The following CSNK1G1 variants were observed in gnomAD, a reference collection of about 807,000 sequenced individuals.
CSNK1G1 encodes the protein casein kinase I isoform gamma-1.
CSNK1G1 carries 22 observed loss-of-function variants against 59.6 expected under a neutral mutation model. The observed-to-expected ratio is 0.37, with a 90% CI of 0.26 to 0.53. CSNK1G1 has a LOEUF of 0.53. Among genes scored for constraint, CSNK1G1 ranks in the 20% least tolerant of loss-of-function variants. CSNK1G1 has a pLI of 0.89. For synonymous variants in CSNK1G1, 179 were observed against 177.1 expected (o/e 1.01, Z -0.08); for missense variants, 384 against 519.5 (o/e 0.74, Z 2.54).
chr15:64,294,183 C>T (rs1302989342), intron 2 of CSNK1G1, among the ~76,000 whole-genome samples: 1 of 152,152 alleles, frequency 6.6e-6, no homozygotes, highest in South Asian at 2.1e-4. Flanking sequence ...ACTGGTTCTC[C>T]TGTCTCAGCC....
At chr15:64,208,841 A>C (rs555868556) in intron 6 of CSNK1G1, among the ~76,000 whole-genome samples, 1 of 151,638 alleles carries the variant, frequency 6.6e-6, no homozygotes, top group African/African-American at 2.4e-5. Context: ...CAGTCCATGC[A>C]TTCATTTTGA....
chr15:64,262,117 A>C (rs1238735092), intron 2 of CSNK1G1, among the ~76,000 whole-genome samples: 3 of 152,162 alleles, frequency 2.0e-5, no homozygotes, highest in African/African-American at 4.8e-5. Context: ...AAAATAAGAG[A>C]ACAGAAGTAG....
intron 1 of CSNK1G1, among the ~76,000 whole-genome samples, chr15:64,346,842 C>T (rs116741557): frequency 0.012 from 1,884 of 152,052 alleles, 27 homozygotes; most frequent in African/African-American, 0.044. Flanking sequence ...AACTTCTGCA[C>T]TATGAAAGGC....
chr15:64,179,505 C>T lies in CSNK1G1; in HGVS notation c.1214+843G>A, dbSNP rs568195045. 9.2e-5 allele frequency among the ~76,000 whole-genome samples: 14 copies of T among 152,276 alleles called. 1 individual carries two copies. The highest frequency in any genetic ancestry group is 1.5e-4 in the Non-Finnish European group (10 of 68,020). ...GGATATCCTGAAGGTTCTCAAAGGG[C>T]TCACAAGAAAGGTCCTCCATATCAG... On this transcript the variant is annotated intron_variant, in intron 11 of 11. Transcript: ENST00000303052.
chr15:64,263,079 CAAAAAAAAAAA>C (rs1216890234), intron 2 of CSNK1G1, among the ~76,000 whole-genome samples: 1 of 53,586 alleles, frequency 1.9e-5, no homozygotes, highest in Non-Finnish European at 4.6e-5. Context: ...AACGCCATCT[CAAAAAAAAAAA>C]AAAAAAAAAG....
chr15:64,292,784 C>T (rs1894813989), intron 2 of CSNK1G1, among the ~76,000 whole-genome samples: 2 of 151,932 alleles, frequency 1.3e-5, no homozygotes, highest in Admixed American at 6.6e-5. Flanking sequence ...AATAATTAGC[C>T]GGGCATGGTG....
Position 64,171,715 on chromosome 15 carries a change from G to C in CSNK1G1, c.*216C>G, listed in dbSNP as rs2081667558. On this transcript the variant is annotated 3_prime_UTR_variant, in exon 12 of 12. Coordinates refer to ENST00000303052, the MANE Select transcript of CSNK1G1 (RefSeq NM_022048.5). The surrounding 1 kb of genome is among the most constrained non-coding windows in gnomAD (Gnocchi z 4.8). ...AAGCAGTGGAGGAACAGCAGCTCTG[G>C]GACCTGCTCAGAGCCTTAGGCAGGC... is the stretch of plus-strand genomic sequence containing the variant. The C allele has an allele frequency of 1.7e-6, 1 of 590,836 alleles. No individual in the cohort carries two copies. The highest frequency in any genetic ancestry group is 2.0e-5 in the South Asian group (1 of 48,934). The allele number at this position is 590,836 out of a possible 1,614,324, so 36.6% of individuals were successfully genotyped here.
chr15:64,254,413 G>A (rs1358311393), intron 3 of CSNK1G1, among the ~76,000 whole-genome samples: 1 of 150,946 alleles, frequency 6.6e-6, no homozygotes, highest in Non-Finnish European at 1.5e-5. Context: ...GAGTGCAATG[G>A]CATGATATTG....
chr15:64,305,966 A>T (rs1332206933), intron 1 of CSNK1G1, among the ~76,000 whole-genome samples: 2 of 152,166 alleles, frequency 1.3e-5, no homozygotes, highest in Non-Finnish European at 2.9e-5. Flanking sequence ...CTAGATACAG[A>T]CCTTACATCT....
intron 4 of CSNK1G1, among the ~76,000 whole-genome samples, chr15:64,245,815 G>A (rs1018679461): frequency 4.6e-5 from 7 of 151,770 alleles, no homozygotes; most frequent in African/African-American, 1.7e-4. Context: ...AACACAGATG[G>A]AACTGGAGGC....
At chr15:64,203,036 C>T in intron 10 of CSNK1G1, 46 bp downstream of exon 10, 1 of 1,409,428 alleles carries the variant, frequency 7.1e-7, no homozygotes. Flanking sequence ...TTAATATTAG[C>T]CAAGAAGAAG....
intron 2 of CSNK1G1, among the ~76,000 whole-genome samples, chr15:64,287,117 G>A (rs1894470306): frequency 6.6e-6 from 1 of 152,084 alleles, no homozygotes; most frequent in Admixed American, 6.6e-5. Context: ...AAGACTACAT[G>A]GCATATAATA....
chr15:64,317,895 T>C (rs1229387460), intron 1 of CSNK1G1, among the ~76,000 whole-genome samples: 1 of 152,216 alleles, frequency 6.6e-6, no homozygotes, highest in Non-Finnish European at 1.5e-5. Flanking sequence ...TGAGTTTACC[T>C]GGTAAATAAT....
chr15:64,226,011 C>A (rs1264847993), intron 4 of CSNK1G1, among the ~76,000 whole-genome samples: 7 of 152,224 alleles, frequency 4.6e-5, no homozygotes, highest in African/African-American at 1.7e-4. Context: ...CGCTCCCACT[C>A]TGTGGAGTGT....
intron 2 of CSNK1G1, among the ~76,000 whole-genome samples, chr15:64,288,732 G>C (rs558912850): frequency 6.6e-6 from 1 of 152,046 alleles, no homozygotes; most frequent in Non-Finnish European, 1.5e-5. Flanking sequence ...AAGCTTTGCC[G>C]CCTTCTGGAA....
chr15:64,238,516 A>AT (rs1270803353), intron 4 of CSNK1G1, among the ~76,000 whole-genome samples: 495 of 89,332 alleles, frequency 5.5e-3, no homozygotes, highest in South Asian at 0.032. Context: ...AAAAAAAAAA[A>AT]AAATATATAT....
At chr15:64,247,513 C>G (rs1891822896) in intron 4 of CSNK1G1, among the ~76,000 whole-genome samples, 1 of 151,806 alleles carries the variant, frequency 6.6e-6, no homozygotes, top group African/African-American at 2.4e-5. Context: ...AAACTGTAAT[C>G]AAGAAACAAA....
intron 3 of CSNK1G1, among the ~76,000 whole-genome samples, chr15:64,253,346 A>G (rs541556397): frequency 6.6e-6 from 1 of 152,284 alleles, no homozygotes; most frequent in South Asian, 2.1e-4. Flanking sequence ...CCTTGTCTCA[A>G]TCAATCAATA....
At chr15:64,182,323 T>C (rs1422174830) in intron 10 of CSNK1G1, among the ~76,000 whole-genome samples, 1 of 152,168 alleles carries the variant, frequency 6.6e-6, no homozygotes, top group Non-Finnish European at 1.5e-5. Context: ...TCCACCTGCC[T>C]TGGCTTCCCG....
Sources: allele counts gnomAD v4.1 joint callset (sites outside exome capture counted in the v4.1 genomes callset), GRCh38; gene constraint gnomAD v4.1.1; non-coding constraint Gnocchi (gnomAD v3.1); transcripts MANE v1.5; gene names NCBI Gene and HGNC (gene_info 2026-07-23, HGNC 2026-07-21).